TNR: variants seen among roughly 807,000 people sequenced by gnomAD.
The protein encoded by TNR is tenascin-R.
TNR carries 45 observed loss-of-function variants against 150.4 expected under a neutral mutation model. The observed-to-expected ratio is 0.30, with a 90% CI of 0.24 to 0.38. The LOEUF (loss-of-function observed/expected upper bound fraction) is 0.38, where lower values mean the gene tolerates loss of function less well. Among genes scored for constraint, TNR ranks in the 10% least tolerant of loss-of-function variants. The probability of loss-of-function intolerance (pLI) is 1.00; values close to 1 mark genes in which losing one functional copy is unlikely to be tolerated. For missense variants in TNR, 1,544 were observed against 1,759.1 expected (o/e 0.88, Z 2.19); for synonymous variants, 687 against 678.4 (o/e 1.01, Z -0.20).
Position 175,657,883 on chromosome 1 carries a change from A to ATATATATATATATATG in TNR, c.-165+85342_-165+85343insCATATATATATATATA, listed in dbSNP as rs1464419575. 3.5e-3 allele frequency among the ~76,000 whole-genome samples: 349 copies of ATATATATATATATATG among 101,056 alleles called. 28 individuals carry two copies. Among genetic ancestry groups the ATATATATATATATATG allele is most frequent in the African/African-American group, 0.01 (281 of 27,632 alleles). The allele number at this position is 101,056 out of a possible 152,430, so 66.3% of individuals were successfully genotyped here. On this transcript the variant is annotated intron_variant, in intron 1 of 22. Coordinates refer to ENST00000367674, the MANE Select transcript of TNR (RefSeq NM_003285.3). ...TATATATATATATATATATATATAT[A>ATATATATATATATATG]TGTAACAAACCTGCACGTTGTGCAC...
intron 1 of TNR, among the ~76,000 whole-genome samples, chr1:175,687,702 T>G (rs557603881): frequency 6.6e-6 from 1 of 152,110 alleles, no homozygotes; most frequent in South Asian, 2.1e-4. Context: ...ACTGAATTCA[T>G]GATGAAGTCC....
intron 1 of TNR, among the ~76,000 whole-genome samples, chr1:175,660,746 G>A (rs535474385): frequency 6.6e-6 from 1 of 152,336 alleles, no homozygotes; most frequent in African/African-American, 2.4e-5. Flanking sequence ...TGGATTATAG[G>A]AGAGAGGAAC....
In TNR at chr1:175,321,198, A is replaced by G. The variant is rs565475191; in HGVS notation, c.*2159T>C. Reference sequence around the variant, plus strand: ...TCCTCCTCCCAGTTTGTTGAAGCCCATGGTTAACTGAGAAATGCAAGTGGT... The same window carrying G: ...TCCTCCTCCCAGTTTGTTGAAGCCCGTGGTTAACTGAGAAATGCAAGTGGT... On this transcript the variant is annotated 3_prime_UTR_variant, in exon 23 of 23. Transcript: ENST00000367674. The G allele has an allele frequency of 2.6e-5, 4 of 152,314 alleles. No individual in the cohort carries two copies. In the East Asian group the frequency reaches 7.7e-4, roughly 29 times the overall value. The allele number at this position is 152,314 out of a possible 1,614,324, so 9.4% of individuals were successfully genotyped here.
chr1:175,331,079 T>TTTCTTTCCTTC (rs1557868083), intron 20 of TNR, among the ~76,000 whole-genome samples: 6 of 77,372 alleles, frequency 7.8e-5, no homozygotes, highest in Admixed American at 2.8e-4. Flanking sequence ...CTTTCTTTCC[T>TTTCTTTCCTTC]TCTTTCTTTC....
intron 1 of TNR, among the ~76,000 whole-genome samples, chr1:175,603,988 C>T (rs1663332566): frequency 6.6e-6 from 1 of 152,034 alleles, no homozygotes; most frequent in Admixed American, 6.5e-5. Flanking sequence ...AAATTTTTAA[C>T]CCTTGCTGTG....
intron 1 of TNR, among the ~76,000 whole-genome samples, chr1:175,709,293 TCACACA>T (rs201842928): frequency 1.5e-5 from 2 of 135,238 alleles, no homozygotes; most frequent in Non-Finnish European, 3.2e-5. Flanking sequence ...TCCCTTGCTT[TCACACA>T]CACACACATA....
chr1:175,581,225 G>A (rs1029172102), intron 1 of TNR, among the ~76,000 whole-genome samples: 7 of 152,194 alleles, frequency 4.6e-5, no homozygotes, highest in African/African-American at 1.4e-4. Flanking sequence ...TACTGTCTGT[G>A]TCTACCCAGT....
At chr1:175,718,242 C>A (rs886618546) in intron 1 of TNR, among the ~76,000 whole-genome samples, 9 of 152,152 alleles carry the variant, frequency 5.9e-5, no homozygotes, top group Non-Finnish European at 1.3e-4. Flanking sequence ...CAGAACTCTG[C>A]CCCAGTCCTT....
intron 1 of TNR, among the ~76,000 whole-genome samples, chr1:175,705,174 T>C (rs1022280778): frequency 6.6e-6 from 1 of 152,152 alleles, no homozygotes; most frequent in African/African-American, 2.4e-5. Context: ...CATTCTTCAG[T>C]ATTGAGGCCA....
At chr1:175,638,641 G>A (rs1664557497) in intron 1 of TNR, among the ~76,000 whole-genome samples, 1 of 152,220 alleles carries the variant, frequency 6.6e-6, no homozygotes, top group African/African-American at 2.4e-5. Flanking sequence ...GAAAGTTAGG[G>A]TACCAAACTC....
At chr1:175,338,957 CT>C (rs1426450905) in intron 18 of TNR, among the ~76,000 whole-genome samples, 1 of 152,226 alleles carries the variant, frequency 6.6e-6, no homozygotes, top group East Asian at 1.9e-4. Flanking sequence ...GCGCACTGGC[CT>C]AACGTAGTTT....
chr1:175,704,376 G>A (rs116341940), intron 1 of TNR, among the ~76,000 whole-genome samples: 2 of 152,324 alleles, frequency 1.3e-5, no homozygotes, highest in African/African-American at 4.8e-5. Flanking sequence ...TGCAGAATTT[G>A]GATCTGGAAA....
chr1:175,513,469 C>T (rs563904520), intron 2 of TNR, among the ~76,000 whole-genome samples: 1 of 152,274 alleles, frequency 6.6e-6, no homozygotes, highest in Admixed American at 6.5e-5. Context: ...CCTAGAAATC[C>T]CTCTCCACAT....
chr1:175,322,075 T>A lies in TNR; in HGVS notation c.*1282A>T, dbSNP rs952957259. 2.0e-5 allele frequency: 3 copies of A among 152,206 alleles called. No homozygotes were observed. Among genetic ancestry groups the A allele is most frequent in the Non-Finnish European group, 2.9e-5 (2 of 68,016 alleles). The allele number at this position is 152,206 out of a possible 1,614,324, so 9.4% of individuals were successfully genotyped here. A position where few individuals can be genotyped will look rare whatever the true frequency, so the allele number is the denominator to read the frequency against. The stretch of plus-strand genomic sequence containing the variant: ...GGACCAGAAATGGAGAAAACAGGGC[T>A]AGGGAAGATCTGTGTTTCCCATGGA... On this transcript the variant is annotated 3_prime_UTR_variant, in exon 23 of 23. Transcript: ENST00000367674.
intron 2 of TNR, among the ~76,000 whole-genome samples, chr1:175,502,331 C>T (rs182218743): frequency 6.6e-6 from 1 of 152,158 alleles, no homozygotes; most frequent in Non-Finnish European, 1.5e-5. Context: ...ACACATTGAA[C>T]CCCCATGCAG....
chr1:175,573,305 C>T (rs1661961867), intron 1 of TNR, among the ~76,000 whole-genome samples: 1 of 152,216 alleles, frequency 6.6e-6, no homozygotes, highest in Admixed American at 6.5e-5. Flanking sequence ...GTTGTGAGCC[C>T]ACCCTCCCTC....
At chr1:175,628,816 G>A (rs891811580) in intron 1 of TNR, among the ~76,000 whole-genome samples, 1 of 152,202 alleles carries the variant, frequency 6.6e-6, no homozygotes, top group Admixed American at 6.5e-5. Flanking sequence ...TTCAATGGTG[G>A]TGCCAATTCA....
At chr1:175,366,191 AT>A in intron 10 of TNR, 53 bp from the exon 11 acceptor site, 1 of 1,526,514 alleles carries the variant, frequency 6.6e-7, no homozygotes, top group Non-Finnish European at 8.8e-7. Context: ...GGAGGGCAGT[AT>A]TTATTGGCCT....
chr1:175,696,735 C>T (rs981985144), intron 1 of TNR, among the ~76,000 whole-genome samples: 29 of 151,964 alleles, frequency 1.9e-4, no homozygotes, highest in African/African-American at 6.3e-4. Flanking sequence ...CAAAATTAGC[C>T]GGGTATGGTG....
Sources: allele counts gnomAD v4.1 joint callset (sites outside exome capture counted in the v4.1 genomes callset), GRCh38; gene constraint gnomAD v4.1.1; transcripts MANE v1.5; gene names NCBI Gene and HGNC (gene_info 2026-07-23, HGNC 2026-07-21).